The following KLRG2 variants were observed in gnomAD, a reference collection of about 807,000 sequenced individuals.
The protein encoded by KLRG2 is killer cell lectin-like receptor subfamily G member 2.
KLRG2 carries 39 observed loss-of-function variants against 35.4 expected under a neutral mutation model. The ratio of observed to expected loss-of-function variants is 1.10; its 90% CI spans 0.85 to 1.44. The LOEUF (loss-of-function observed/expected upper bound fraction) is 1.44. Among genes scored for constraint, KLRG2 ranks in the 40% most tolerant of loss-of-function variants. The pLI, the probability that KLRG2 is intolerant of heterozygous loss-of-function variation, is 0.00. For missense variants in KLRG2, 632 were observed against 570.9 expected, an observed-to-expected ratio of 1.11 and a Z score of -1.09; for synonymous variants, 283 against 265.8, an observed-to-expected ratio of 1.06 and a Z score of -0.63.
the KLRG2 span, among the ~76,000 whole-genome samples, chr7:139,446,798 T>C: frequency 2.6e-5 from 4 of 151,836 alleles, no homozygotes; most frequent in Non-Finnish European, 4.4e-5. Flanking sequence ...ACATCCAACC[T>C]CCTCCTCCTT....
chr7:139,441,485 G>C, the KLRG2 span, among the ~76,000 whole-genome samples: 2 of 152,138 alleles, frequency 1.3e-5, no homozygotes, highest in South Asian at 2.1e-4. Context: ...GTGGGGGACT[G>C]GGGGAGGGAT....
chr7:139,480,815 C>T (rs1666877860), intron 1 of KLRG2, among the ~76,000 whole-genome samples: 1 of 148,014 alleles, frequency 6.8e-6, no homozygotes, highest in African/African-American at 2.5e-5. Context: ...ATGATCTCAG[C>T]TCACTGCAAC....
chr7:139,439,277 G>C, the KLRG2 span, among the ~76,000 whole-genome samples: 3 of 152,196 alleles, frequency 2.0e-5, no homozygotes, highest in Non-Finnish European at 4.4e-5. Context: ...CACATGCTGT[G>C]TGACTCCGCT....
chr7:139,447,651 C>T, the KLRG2 span, among the ~76,000 whole-genome samples: 1 of 152,088 alleles, frequency 6.6e-6, no homozygotes, highest in African/African-American at 2.4e-5. Flanking sequence ...GATCTGCCCA[C>T]CTCGGCCTCC....
chr7:139,483,618 G>A lies in KLRG2; in HGVS notation c.25C>T (p.Pro9Ser), dbSNP rs1797014308. The change falls in exon 1 of 5, where the codon CCC (proline) becomes TCC (serine). Residue 9 changes from proline (P) to serine (S), a missense_variant. Coordinates refer to ENST00000340940, the MANE Select transcript of KLRG2 (RefSeq NM_198508.4). ...AGCTCTGCCCCGGCTTGGCCTCCGG[G>A]CGCAGCCTCCCAAGACTCCTCCATC... MEESWEAAPGGQAGAELPM... is the reference protein window; with the variant it reads MEESWEAASGGQAGAELPM... The A allele has an allele frequency of 1.9e-6, 3 of 1,573,550 alleles. No individual in the cohort carries two copies. The highest frequency in any genetic ancestry group is 2.6e-6 in the Non-Finnish European group (3 of 1,168,702).
downstream of KLRG2, among the ~76,000 whole-genome samples, chr7:139,450,832 C>T (rs922404944): frequency 6.6e-6 from 1 of 152,148 alleles, no homozygotes; most frequent in Non-Finnish European, 1.5e-5. Flanking sequence ...ATTTCTCTTC[C>T]CCTTCAAACT....
the KLRG2 span, among the ~76,000 whole-genome samples, chr7:139,430,025 T>A: frequency 6.6e-6 from 1 of 152,160 alleles, no homozygotes; most frequent in Non-Finnish European, 1.5e-5. Flanking sequence ...CTCTAAACAC[T>A]CTGAATCAGA....
intron 3 of KLRG2, among the ~76,000 whole-genome samples, chr7:139,463,075 T>G (rs1796593970): frequency 6.6e-6 from 1 of 152,172 alleles, no homozygotes; most frequent in Non-Finnish European, 1.5e-5. Flanking sequence ...AGCAATTTCT[T>G]CTTAAAAGGT....
intron 3 of KLRG2, among the ~76,000 whole-genome samples, chr7:139,477,908 G>A (rs1045579472): frequency 6.4e-4 from 98 of 152,018 alleles, no homozygotes; most frequent in African/African-American, 2.0e-3. Context: ...ACAGGCGCCC[G>A]CCACCGCGCC....
chr7:139,429,827 C>A, the KLRG2 span, among the ~76,000 whole-genome samples: 451 of 152,308 alleles, frequency 3.0e-3, 1 homozygote, highest in Non-Finnish European at 5.1e-3. Context: ...ACCTTCCCCC[C>A]CCTTTCTATT....
chr7:139,445,921 T>A, the KLRG2 span, among the ~76,000 whole-genome samples: 1 of 151,120 alleles, frequency 6.6e-6, no homozygotes, highest in Non-Finnish European at 1.5e-5. Context: ...AGCCTCCGCC[T>A]CCTGGGTTCA....
chr7:139,478,661 C>A (rs1796898911), intron 3 of KLRG2, among the ~76,000 whole-genome samples: 1 of 152,136 alleles, frequency 6.6e-6, no homozygotes, highest in Non-Finnish European at 1.5e-5. Flanking sequence ...CAGAGTGAGA[C>A]ACAACACATA....
Position 139,483,622 on chromosome 7 carries a change from A to C in KLRG2, c.21T>G (p.Ala7=). ...CTGCCCCGGCTTGGCCTCCGGGCGC[A>C]GCCTCCCAAGACTCCTCCATCCCGC... MEESWE[A]APGGQAGAEL... Residue 7 remains alanine, a synonymous_variant, in exon 1 of 5, where the codon GCT becomes GCG. Transcript: ENST00000340940. 2 of 1,568,100 alleles carry C rather than the reference A, an allele frequency of 1.3e-6. No individual in the cohort carries two copies. The highest frequency in any genetic ancestry group is 1.7e-6 in the Non-Finnish European group (2 of 1,166,110).
At chr7:139,429,527 G>A in the KLRG2 span, among the ~76,000 whole-genome samples, 1 of 151,734 alleles carries the variant, frequency 6.6e-6, no homozygotes, top group Non-Finnish European at 1.5e-5. Flanking sequence ...GCGGCCTTCC[G>A]CAGTGTTTGT....
intron 3 of KLRG2, among the ~76,000 whole-genome samples, chr7:139,476,068 G>C (rs952734419): frequency 6.6e-6 from 1 of 152,184 alleles, no homozygotes; most frequent in Non-Finnish European, 1.5e-5. Flanking sequence ...GTGATTGTTA[G>C]CTTGGAGGTT....
the KLRG2 span, among the ~76,000 whole-genome samples, chr7:139,438,930 C>A: frequency 1.6e-5 from 2 of 127,080 alleles, no homozygotes; most frequent in African/African-American, 5.8e-5. Flanking sequence ...TCCCCCCCCC[C>A]ACCCCGCCCC....
At chr7:139,474,014 C>G (rs1406033185) in intron 3 of KLRG2, among the ~76,000 whole-genome samples, 1 of 129,932 alleles carries the variant, frequency 7.7e-6, no homozygotes, top group East Asian at 2.2e-4. Context: ...GTGGCTCAGA[C>G]TTTTTTTTTT....
rs1206605800 is a variant in KLRG2 at position 139,456,510 on chromosome 7, C to T, written c.1006-2296G>A. Among the ~76,000 whole-genome samples the T allele has an allele frequency of 2.6e-5, 4 of 152,146 alleles. No individual in the cohort carries two copies. In the South Asian group the frequency reaches 6.2e-4, roughly 24 times the overall value. On this transcript the variant is annotated intron_variant, in intron 3 of 4. Transcript: ENST00000340940. Reference sequence around the variant, plus strand: ...CCTCCCAAGTAGCTGGGATTACAGGCACCTGCCATGACGCCCAATTTAGTA... The same window carrying T: ...CCTCCCAAGTAGCTGGGATTACAGGTACCTGCCATGACGCCCAATTTAGTA...
the KLRG2 span, among the ~76,000 whole-genome samples, chr7:139,432,896 T>C: frequency 6.6e-6 from 1 of 152,130 alleles, no homozygotes; most frequent in African/African-American, 2.4e-5. Context: ...GCAGAATCCA[T>C]GGATAGGGAG....
Sources: allele counts gnomAD v4.1 joint callset (sites outside exome capture counted in the v4.1 genomes callset), GRCh38; gene constraint gnomAD v4.1.1; transcripts MANE v1.5; gene names NCBI Gene and HGNC (gene_info 2026-07-23, HGNC 2026-07-21).